The following LRRC1 variants were observed in gnomAD, a reference collection of about 807,000 sequenced individuals.
LRRC1 encodes the protein leucine-rich repeat-containing protein 1.
Under a neutral mutation model 69.9 loss-of-function variants are expected in LRRC1, and 28 were observed. That is an observed-to-expected ratio of 0.40 (90% confidence interval 0.30 to 0.55). The LOEUF is 0.55. LRRC1 is among the 20% of genes least tolerant of loss of function. The pLI is 0.47. For synonymous variants in LRRC1, 236 were observed against 240.2 expected, an observed-to-expected ratio of 0.98 and a Z score of 0.16; for missense variants, 498 against 609.0, an observed-to-expected ratio of 0.82 and a Z score of 1.92.
chr6:53,877,064 A>G (rs1328685316), intron 2 of LRRC1, among the ~76,000 whole-genome samples: 1 of 151,952 alleles, frequency 6.6e-6, no homozygotes, highest in Admixed American at 6.6e-5. Flanking sequence ...AGGCATTTCC[A>G]TACATCTTCT....
intron 1 of LRRC1, among the ~76,000 whole-genome samples, chr6:53,840,888 G>T (rs1211780595): frequency 1.3e-5 from 1 of 74,736 alleles, no homozygotes; most frequent in South Asian, 7.6e-4. Flanking sequence ...ATGTGTTTGT[G>T]TGTGTGTGTG....
rs551759018 is a variant in LRRC1 at position 53,842,729 on chromosome 6, A to G, written c.277+502A>G. On this transcript the variant is annotated intron_variant, in intron 2 of 13. Transcript: ENST00000370888. ...GGTTGGTTTCTCTTGGCTGTGTCTC[A>G]GTTGCTTGGTATGCTCTCCCTGTAG... Among the ~76,000 whole-genome samples the G allele has an allele frequency of 7.9e-5, 12 of 152,228 alleles. No homozygotes were observed. The East Asian group carries it at 2.3e-3, about 29-fold the overall frequency.
At chr6:53,877,547 G>A (rs957308543) in intron 2 of LRRC1, among the ~76,000 whole-genome samples, 10 of 152,046 alleles carry the variant, frequency 6.6e-5, no homozygotes, top group African/African-American at 2.2e-4. Context: ...CAGCACCCAA[G>A]TCACCTCTTG....
Position 53,795,118 on chromosome 6 carries a change from G to A in LRRC1, c.-139G>A, listed in dbSNP as rs565370239. 2.7e-5 allele frequency: 20 copies of A among 745,132 alleles called. No individual in the cohort carries two copies. In the South Asian group the frequency reaches 4.1e-4, roughly 15 times the overall value. 46.2% of individuals were successfully genotyped at this position (745,132 alleles called of 1,614,324 possible). On this transcript the variant is annotated 5_prime_UTR_variant, in exon 1 of 14. Transcript: ENST00000370888. ...TGAAGCACTTCCGACCGCGAAGCCC[G>A]GCGCGAGAAGCGAGCTAACCCAAGA...
At chr6:53,888,076 C>A (rs1414269909) in intron 4 of LRRC1, among the ~76,000 whole-genome samples, 1 of 152,092 alleles carries the variant, frequency 6.6e-6, no homozygotes, top group Non-Finnish European at 1.5e-5. Flanking sequence ...AATGTTGGTA[C>A]AATGTGTGAA....
chr6:53,800,362 TGCCTCA>T (rs1764442693), intron 1 of LRRC1, among the ~76,000 whole-genome samples: 1 of 145,940 alleles, frequency 6.9e-6, no homozygotes, highest in African/African-American at 2.5e-5. Context: ...GTGATTCTCC[TGCCTCA>T]GCCTCTCGAG....
chr6:53,840,851 T>C (rs1354618571), intron 1 of LRRC1, among the ~76,000 whole-genome samples: 1 of 150,936 alleles, frequency 6.6e-6, no homozygotes, highest in Non-Finnish European at 1.5e-5. Context: ...CCCTGCATCA[T>C]GTTTGTTTCC....
intron 2 of LRRC1, among the ~76,000 whole-genome samples, chr6:53,848,905 G>A (rs748368848): frequency 2.0e-5 from 3 of 151,992 alleles, no homozygotes; most frequent in Non-Finnish European, 4.4e-5. Flanking sequence ...TTACAGGCGT[G>A]TGCCACCAAG....
chr6:53,826,254 A>G (rs1161865123), intron 1 of LRRC1, among the ~76,000 whole-genome samples: 1 of 150,298 alleles, frequency 6.7e-6, no homozygotes, highest in Admixed American at 6.6e-5. Context: ...TCCTTTTGAA[A>G]TGGATCTGAA....
At chr6:53,866,940 G>C (rs546232571) in intron 2 of LRRC1, among the ~76,000 whole-genome samples, 7 of 152,082 alleles carry the variant, frequency 4.6e-5, no homozygotes, top group African/African-American at 1.7e-4. Flanking sequence ...CTTAGACTGA[G>C]CTGCTGAAGA....
chr6:53,839,627 G>A (rs1765708866), intron 1 of LRRC1, among the ~76,000 whole-genome samples: 1 of 151,986 alleles, frequency 6.6e-6, no homozygotes, highest in Admixed American at 6.6e-5. Flanking sequence ...GTTATTTATG[G>A]ATTTCTTTTT....
chr6:53,891,855 G>A (rs1413242016), intron 4 of LRRC1, among the ~76,000 whole-genome samples: 2 of 151,814 alleles, frequency 1.3e-5, no homozygotes, highest in Admixed American at 6.6e-5. Flanking sequence ...AGCTGGGTGT[G>A]GTGGTGCATG....
intron 2 of LRRC1, among the ~76,000 whole-genome samples, chr6:53,857,031 TTTA>T (rs1766331755): frequency 6.6e-6 from 1 of 152,042 alleles, no homozygotes; most frequent in African/African-American, 2.4e-5. Context: ...AAAAGATGAG[TTTA>T]TCTGTGGACA....
At chr6:53,817,087 C>T (rs1050584409) in intron 1 of LRRC1, among the ~76,000 whole-genome samples, 9 of 152,154 alleles carry the variant, frequency 5.9e-5, no homozygotes, top group Admixed American at 4.6e-4. Context: ...CCATAATCCC[C>T]ACCTAAGATT....
intron 12 of LRRC1, 49 bp downstream of exon 12, chr6:53,919,719 G>A (rs1562075930): frequency 6.5e-7 from 1 of 1,536,170 alleles, no homozygotes; most frequent in Non-Finnish European, 8.9e-7. Flanking sequence ...GATTGAGTAG[G>A]ACCTAATGTC....
rs185022386 is a variant in LRRC1 at position 53,832,732 on chromosome 6, G to A, written c.160-9378G>A. 7.2e-4 allele frequency among the ~76,000 whole-genome samples: 110 copies of A among 152,118 alleles called. 4 individuals are homozygous for A. The East Asian group carries it at 7.5e-3, about 10-fold the overall frequency. Reference sequence around the variant, plus strand: ...TGAGTAGAATCTTTGATTTTCTGTCGTACAAAACATCAATACCAAGAAGTT... The same window carrying A: ...TGAGTAGAATCTTTGATTTTCTGTCATACAAAACATCAATACCAAGAAGTT... On this transcript the variant is annotated intron_variant, in intron 1 of 13. Transcript: ENST00000370888.
intron 1 of LRRC1, among the ~76,000 whole-genome samples, chr6:53,816,331 G>A (rs1032642480): frequency 6.6e-6 from 1 of 152,034 alleles, no homozygotes. Context: ...TAAAATAGAT[G>A]TTGGGTCTAT....
At chr6:53,865,810 C>T (rs887673813) in intron 2 of LRRC1, among the ~76,000 whole-genome samples, 11 of 149,446 alleles carry the variant, frequency 7.4e-5, no homozygotes, top group Non-Finnish European at 3.0e-5. Context: ...CAACCTCTAC[C>T]TCCCAGGATC....
chr6:53,919,625 A>C lies in LRRC1; in HGVS notation c.1234A>C (p.Thr412Pro). 4.3e-6 allele frequency: 7 copies of C among 1,613,820 alleles called. No individual in the cohort carries two copies. The highest frequency in any genetic ancestry group is 5.9e-6 in the Non-Finnish European group (7 of 1,179,906). ...CTACACCACAGGAGAGAAGATTTTAACCTGTGTCTTACTTCCTCAGCTGCC... is the reference window on the plus strand; with the variant it reads ...CTACACCACAGGAGAGAAGATTTTACCCTGTGTCTTACTTCCTCAGCTGCC... ...TDYTTGEKILTCVLLPQLPSE... is the reference protein window; with the variant it reads ...TDYTTGEKILPCVLLPQLPSE... The change falls in exon 12 of 14, where the codon ACC (threonine) becomes CCC (proline). Residue 412 changes from threonine to proline, a missense_variant. By Grantham distance (38) the Thr-to-Pro change is conservative. Around this residue, in one of 3 missense-constraint regions of LRRC1, gnomAD observed 162 missense variants for 162.9 expected, o/e 0.99. Transcript: ENST00000370888.
Sources: allele counts gnomAD v4.1 joint callset (sites outside exome capture counted in the v4.1 genomes callset), GRCh38; gene constraint gnomAD v4.1.1; regional missense constraint gnomAD v4.1.1; transcripts MANE v1.5; gene names NCBI Gene and HGNC (gene_info 2026-07-23, HGNC 2026-07-21).